The following STX8 variants were observed in gnomAD, a reference collection of about 807,000 sequenced individuals.
STX8 encodes syntaxin 8, also known as syntaxin-8.
STX8 carries 23 observed loss-of-function variants against 37.5 expected under a neutral mutation model. The observed-to-expected ratio is 0.61, with a 90% CI of 0.44 to 0.87. STX8 has a LOEUF of 0.87. Among genes scored for constraint, STX8 ranks in the 40% least tolerant of loss-of-function variants. STX8 has a pLI of 0.00. For missense variants in STX8, 313 were observed against 284.7 expected, an observed-to-expected ratio of 1.10 and a Z score of -0.71; for synonymous variants, 115 against 99.1, an observed-to-expected ratio of 1.16 and a Z score of -0.95.
At chr17:9,317,227 C>T (rs1909412318) in intron 7 of STX8, among the ~76,000 whole-genome samples, 1 of 152,038 alleles carries the variant, frequency 6.6e-6, no homozygotes, top group African/African-American at 2.4e-5. Context: ...GAAGACAGAA[C>T]GTAAATGGGA....
rs563535275 is a variant in STX8, at chr17:9,524,012, C to G, written c.324-18850G>C. On this transcript the variant is annotated intron_variant, in intron 4 of 7. Coordinates refer to ENST00000306357, the MANE Select transcript of STX8 (RefSeq NM_004853.3). Reference sequence around the variant, plus strand: ...TTATACCAATTCATCTAACTCATGTCTAAAGACAACAAATTTTGAGATGGA... The same window carrying G: ...TTATACCAATTCATCTAACTCATGTGTAAAGACAACAAATTTTGAGATGGA... Among the ~76,000 whole-genome samples, 16 of 152,330 alleles carry G rather than the reference C, an allele frequency of 1.1e-4. No individual in the cohort carries two copies. The South Asian group carries it at 1.7e-3, about 16-fold the overall frequency.
intron 6 of STX8, among the ~76,000 whole-genome samples, chr17:9,472,523 G>A (rs1460431678): frequency 6.6e-6 from 1 of 152,186 alleles, no homozygotes; most frequent in Non-Finnish European, 1.5e-5. Context: ...TATGACTAGG[G>A]CCAAAGTGGC....
At chr17:9,253,965 C>T (rs1906687848) in intron 7 of STX8, among the ~76,000 whole-genome samples, 1 of 152,216 alleles carries the variant, frequency 6.6e-6, no homozygotes, top group Non-Finnish European at 1.5e-5. Context: ...CAGTCACTGC[C>T]ATCCCTGATT....
At chr17:9,571,489 G>GC (rs1015445277) in intron 1 of STX8, among the ~76,000 whole-genome samples, 4 of 150,304 alleles carry the variant, frequency 2.7e-5, no homozygotes, top group East Asian at 3.9e-4. Flanking sequence ...TAATTGGGTC[G>GC]GGGGGTGGCT....
chr17:9,435,711 C>G (rs1284893510), intron 6 of STX8, among the ~76,000 whole-genome samples: 1 of 152,102 alleles, frequency 6.6e-6, no homozygotes, highest in Non-Finnish European at 1.5e-5. Flanking sequence ...TTAACTTCAT[C>G]CTTTAGATAA....
intron 4 of STX8, among the ~76,000 whole-genome samples, chr17:9,532,565 A>G (rs1905862901): frequency 1.3e-5 from 2 of 152,220 alleles, no homozygotes; most frequent in Admixed American, 6.5e-5. Flanking sequence ...AAGTAGAAAG[A>G]GCCTGAATTT....
chr17:9,531,964 T>C (rs16958423), intron 4 of STX8, among the ~76,000 whole-genome samples: 7,050 of 152,290 alleles, frequency 0.046, 592 homozygotes, highest in African/African-American at 0.16. Context: ...GTGCTTCATT[T>C]TCTTTCACAT....
At chr17:9,528,361 A>C (rs927528577) in intron 4 of STX8, among the ~76,000 whole-genome samples, 3 of 152,130 alleles carry the variant, frequency 2.0e-5, no homozygotes, top group Non-Finnish European at 4.4e-5. Flanking sequence ...GCAGTGGCGC[A>C]ATCTTGGCTC....
At chr17:9,266,589 AG>A (rs1907239899) in intron 7 of STX8, among the ~76,000 whole-genome samples, 1 of 152,158 alleles carries the variant, frequency 6.6e-6, no homozygotes, top group Non-Finnish European at 1.5e-5. Context: ...CCAAGAGTGT[AG>A]AAGAATTCAG....
chr17:9,559,965 T>C (rs1297631592), intron 2 of STX8, among the ~76,000 whole-genome samples: 2 of 148,374 alleles, frequency 1.3e-5, no homozygotes, highest in Non-Finnish European at 3.0e-5. Context: ...TTTCACCATA[T>C]TGGTCAGGCT....
At chr17:9,333,841 C>T (rs1910049037) in intron 7 of STX8, among the ~76,000 whole-genome samples, 1 of 152,156 alleles carries the variant, frequency 6.6e-6, no homozygotes, top group South Asian at 2.1e-4. Flanking sequence ...AATGGGTTCA[C>T]CTTACCCAAT....
At chr17:9,534,942 C>T (rs1363161022) in intron 4 of STX8, among the ~76,000 whole-genome samples, 2 of 152,072 alleles carry the variant, frequency 1.3e-5, no homozygotes, top group African/African-American at 4.8e-5. Flanking sequence ...AGAAATAGAT[C>T]AAAATACATA....
chr17:9,344,342 C>G (rs1236994972), intron 7 of STX8, among the ~76,000 whole-genome samples: 3 of 151,352 alleles, frequency 2.0e-5, no homozygotes, highest in African/African-American at 7.3e-5. Flanking sequence ...CTCACTGCAA[C>G]CTCTGCTTCC....
chr17:9,515,018 C>T (rs925944978), intron 4 of STX8, among the ~76,000 whole-genome samples: 2 of 152,054 alleles, frequency 1.3e-5, no homozygotes, highest in Non-Finnish European at 2.9e-5. Context: ...ATTATATAGT[C>T]GGCATTGCTC....
At chr17:9,414,008 GTCCA>G (rs1190129501) in intron 6 of STX8, among the ~76,000 whole-genome samples, 9 of 137,786 alleles carry the variant, frequency 6.5e-5, no homozygotes, top group East Asian at 6.4e-4. Flanking sequence ...CTACCCATCT[GTCCA>G]TCCATCCATC....
At chr17:9,296,256 G>A (rs1232255177) in intron 7 of STX8, among the ~76,000 whole-genome samples, 2 of 152,128 alleles carry the variant, frequency 1.3e-5, no homozygotes, top group Non-Finnish European at 2.9e-5. Flanking sequence ...TGAGGCAGGA[G>A]AATGGCGCGA....
At chr17:9,325,733 C>T (rs1316997254) in intron 7 of STX8, among the ~76,000 whole-genome samples, 1 of 152,240 alleles carries the variant, frequency 6.6e-6, no homozygotes, top group African/African-American at 2.4e-5. Context: ...GTTTGCTTTC[C>T]AGCTGAACCC....
chr17:9,410,095 C>T (rs1341307755), intron 6 of STX8, among the ~76,000 whole-genome samples: 1 of 152,214 alleles, frequency 6.6e-6, no homozygotes, highest in African/African-American at 2.4e-5. Flanking sequence ...GATGGCTGTA[C>T]AGCTGTTGCT....
intron 3 of STX8, 67 bp downstream of exon 3, chr17:9,557,367 C>T: frequency 7.0e-7 from 1 of 1,424,890 alleles, no homozygotes. Context: ...CAGATTCCTT[C>T]CTTTCTTAAA....
Sources: gnomAD v4.1 joint callset for allele counts (sites outside exome capture counted in the v4.1 genomes callset) on GRCh38, gnomAD v4.1.1 for gene constraint, MANE v1.5 for transcripts, NCBI Gene and HGNC (gene_info 2026-07-23, HGNC 2026-07-21) for gene names.